The following MMD2 variants were observed in gnomAD, a reference collection of about 807,000 sequenced individuals.
MMD2 encodes the protein monocyte to macrophage differentiation associated 2, also known as monocyte to macrophage differentiation factor 2.
Under a neutral mutation model 33.5 loss-of-function variants are expected in MMD2, and 30 were observed. The observed-to-expected ratio is 0.90, with a 90% CI of 0.67 to 1.22. The LOEUF (loss-of-function observed/expected upper bound fraction) is 1.22. Ranked by LOEUF, MMD2 falls within the 50% of genes most tolerant of loss-of-function variation. The pLI, the probability that MMD2 is intolerant of heterozygous loss-of-function variation, is 0.00. For missense variants in MMD2, 364 were observed against 325.4 expected, an observed-to-expected ratio of 1.12 and a Z score of -0.91; for synonymous variants, 129 against 123.0, an observed-to-expected ratio of 1.05 and a Z score of -0.32.
At chr7:4,934,708 T>C (rs754253852) in intron 1 of MMD2, among the ~76,000 whole-genome samples, 10 of 152,148 alleles carry the variant, frequency 6.6e-5, no homozygotes, top group Admixed American at 1.3e-4. Flanking sequence ...GAGGAGAGAA[T>C]GTTGAATTCT....
chr7:4,956,867 A>G (rs1786395098), intron 1 of MMD2, among the ~76,000 whole-genome samples: 1 of 151,980 alleles, frequency 6.6e-6, no homozygotes, highest in South Asian at 2.1e-4. Flanking sequence ...CAGTCCACCA[A>G]CTTACGTCTC....
At chr7:4,917,363 T>A (rs1785167759) in intron 3 of MMD2, among the ~76,000 whole-genome samples, 1 of 152,062 alleles carries the variant, frequency 6.6e-6, no homozygotes, top group Non-Finnish European at 1.5e-5. Context: ...AAGTGCTCAA[T>A]AAATACCAGC....
At chr7:4,894,672 C>T in the MMD2 span, among the ~76,000 whole-genome samples, 83 of 152,200 alleles carry the variant, frequency 5.5e-4, no homozygotes, top group East Asian at 1.6e-3. This position sits in a 1 kb window ranked among gnomAD's most constrained non-coding sequence, Gnocchi z 4.3. Flanking sequence ...CCACTCCTCT[C>T]GAGAGGGAGC....
Position 4,909,965 on chromosome 7 carries a change from A to G in MMD2, c.468-15T>C. The G allele has an allele frequency of 6.2e-7, 1 of 1,613,970 alleles. No homozygotes were observed. Among genetic ancestry groups the G allele is most frequent in the Non-Finnish European group, 8.5e-7 (1 of 1,179,898 alleles). ...CAAGCTTGTACCTGGCAGGAAGACAAGCCGTGCCGGCCTTAGGACATGCCT... is the reference window on the plus strand; with the variant it reads ...CAAGCTTGTACCTGGCAGGAAGACAGGCCGTGCCGGCCTTAGGACATGCCT... On this transcript the variant is annotated splice_polypyrimidine_tract_variant and intron_variant, in intron 5 of 6. Coordinates refer to ENST00000401401, the MANE Select transcript of MMD2 (RefSeq NM_198403.4).
At chr7:4,901,567 A>G (rs568807328), downstream of MMD2, among the ~76,000 whole-genome samples, 20 of 152,376 alleles carry the variant, frequency 1.3e-4, no homozygotes, top group East Asian at 2.9e-3. Context: ...AGGATAAGGG[A>G]CAGGCCCAAG....
intron 5 of MMD2, 21 bp from the exon 6 acceptor site, chr7:4,909,971 G>A (rs1392756696): frequency 1.2e-6 from 2 of 1,613,834 alleles, no homozygotes; most frequent in Non-Finnish European, 1.7e-6. Context: ...GACAAGCCGT[G>A]CCGGCCTTAG....
chr7:4,908,147 GTT>G (rs34216197), intron 6 of MMD2, among the ~76,000 whole-genome samples: 3 of 137,626 alleles, frequency 2.2e-5, no homozygotes, highest in Non-Finnish European at 1.6e-5. Context: ...ATCTGGTTTT[GTT>G]TTTTTTTTTT....
At chr7:4,916,959 C>G (rs1785158164) in intron 3 of MMD2, among the ~76,000 whole-genome samples, 1 of 152,086 alleles carries the variant, frequency 6.6e-6, no homozygotes, top group South Asian at 2.1e-4. Flanking sequence ...GTAGGCCTAG[C>G]TACTCCAGAG....
At position 4,946,546 on chromosome 7, in the gene MMD2, T is replaced by A. The variant is rs78381912; in HGVS notation, c.47+12425A>T. On this transcript the variant is annotated intron_variant, in intron 1 of 6. Coordinates refer to ENST00000401401, the MANE Select transcript of MMD2 (RefSeq NM_198403.4). The surrounding 1 kb of genome is among the most constrained non-coding windows in gnomAD (Gnocchi z 5.0). ...AAAGGATTCAGACAATGATAACCAA[T>A]GGATGCTAAGACCACCAGGTGAGAG... is the stretch of plus-strand genomic sequence containing the variant. Among the ~76,000 whole-genome samples the A allele has an allele frequency of 4.3e-3, 649 of 152,188 alleles. 1 individual carries two copies. The highest frequency in any genetic ancestry group is 0.014 in the African/African-American group (600 of 41,514).
intron 1 of MMD2, among the ~76,000 whole-genome samples, chr7:4,939,835 G>C (rs997700665): frequency 6.6e-6 from 1 of 151,718 alleles, no homozygotes; most frequent in African/African-American, 2.4e-5. Context: ...CTGCCTTCCA[G>C]GTTCAAGCAA....
At chr7:4,926,049 G>A (rs1203783543) in intron 1 of MMD2, among the ~76,000 whole-genome samples, 1 of 151,674 alleles carries the variant, frequency 6.6e-6, no homozygotes, top group African/African-American at 2.4e-5. Flanking sequence ...CAGGTGATCC[G>A]CCCGCCTCAG....
chr7:4,912,219 T>C (rs960822677), intron 4 of MMD2, among the ~76,000 whole-genome samples: 1 of 151,668 alleles, frequency 6.6e-6, no homozygotes, highest in African/African-American at 2.4e-5. Context: ...GGGTGGAGGG[T>C]ATGAACCAAG....
chr7:4,911,150 A>G lies in MMD2; in HGVS notation c.462T>C (p.His154=), dbSNP rs1288602162. 1 of 1,580,674 alleles carries G rather than the reference A, an allele frequency of 6.3e-7. No individual in the cohort carries two copies. Among genetic ancestry groups the G allele is most frequent in the Non-Finnish European group, 8.6e-7 (1 of 1,164,172 alleles). Residue 154 remains histidine, a synonymous_variant, in exon 5 of 7, where the codon CAT becomes CAC. Coordinates refer to ENST00000401401, the MANE Select transcript of MMD2 (RefSeq NM_198403.4). The part of the protein sequence containing the change: ...SVGTIYVFFF[H]ERYKLVELLC... Reference sequence around the variant, plus strand: ...AGCCCCCAGGCCTGGCTTACCGCTCATGGAAGAAGAAGACATAGATGGTGC... The same window carrying G: ...AGCCCCCAGGCCTGGCTTACCGCTCGTGGAAGAAGAAGACATAGATGGTGC...
chr7:4,918,753 G>T (rs1432805063), intron 3 of MMD2, among the ~76,000 whole-genome samples: 5 of 151,932 alleles, frequency 3.3e-5, no homozygotes, highest in East Asian at 1.9e-4. Flanking sequence ...CACCCAAAAT[G>T]CTGGGATTAC....
intron 4 of MMD2, among the ~76,000 whole-genome samples, chr7:4,915,788 A>G (rs1785125950): frequency 6.6e-6 from 1 of 151,910 alleles, no homozygotes; most frequent in East Asian, 1.9e-4. Context: ...CTTTTTCTGC[A>G]TAAAATAACT....
At chr7:4,911,645 ATTTATTTTAT>A (rs1234625609) in intron 4 of MMD2, among the ~76,000 whole-genome samples, 1 of 149,638 alleles carries the variant, frequency 6.7e-6, no homozygotes, top group Non-Finnish European at 1.5e-5. Flanking sequence ...ATTTTATTTT[ATTTATTTTAT>A]TTTATTTTAT....
intron 1 of MMD2, among the ~76,000 whole-genome samples, chr7:4,933,205 T>C (rs965048826): frequency 6.6e-6 from 1 of 151,224 alleles, no homozygotes; most frequent in Non-Finnish European, 1.5e-5. Flanking sequence ...CTACAAAATA[T>C]TAAAAAATTA....
At position 4,916,051 on chromosome 7, in the gene MMD2, C is replaced by G. The variant is rs201737285; in HGVS notation, c.319G>C (p.Asp107His). 2 of 1,613,824 alleles carry G rather than the reference C, an allele frequency of 1.2e-6. No homozygotes were observed. The highest frequency in any genetic ancestry group is 1.7e-6 in the Non-Finnish European group (2 of 1,179,854). ...ATGAAGAAATAGATGACCATCCGGT[C>G]GAACATGTGTAGACAGTGTTCCACC... The part of the protein sequence containing the change: ...RMVEHCLHMF[D>H]RMVIYFFIAA... Residue 107 changes from aspartate to histidine, a missense_variant, in exon 4 of 7, where the codon GAC (aspartate) becomes CAC (histidine). By Grantham distance (81) the Asp-to-His change is moderately conservative (BLOSUM62 -1). Coordinates refer to ENST00000401401, the MANE Select transcript of MMD2 (RefSeq NM_198403.4).
intron 1 of MMD2, among the ~76,000 whole-genome samples, chr7:4,941,629 CAA>C (rs60860507): frequency 0.51 from 68,722 of 135,876 alleles, 17,577 homozygotes; most frequent in South Asian, 0.7. Context: ...GAACCTGTCT[CAA>C]AAAAAAAAAA....
Sources: allele counts gnomAD v4.1 joint callset (sites outside exome capture counted in the v4.1 genomes callset), GRCh38; gene constraint gnomAD v4.1.1; non-coding constraint Gnocchi (gnomAD v3.1); transcripts MANE v1.5; gene names NCBI Gene and HGNC (gene_info 2026-07-23, HGNC 2026-07-21).